Variants in DLGAP4 observed in about 807,000 individuals in gnomAD.
DLGAP4 encodes the protein disks large-associated protein 4.
Under a neutral mutation model 86.9 loss-of-function variants are expected in DLGAP4, and 18 were observed. That is an observed-to-expected ratio of 0.21 (90% CI 0.14 to 0.31). The LOEUF (loss-of-function observed/expected upper bound fraction) is 0.31. Among genes scored for constraint, DLGAP4 ranks in the 10% least tolerant of loss-of-function variants. The pLI, the probability that DLGAP4 is intolerant of heterozygous loss-of-function variation, is 1.00. For synonymous variants in DLGAP4, 548 were observed against 574.3 expected, an observed-to-expected ratio of 0.95 and a Z score of 0.65; for missense variants, 1,085 against 1,362.6, an observed-to-expected ratio of 0.80 and a Z score of 3.21.
At chr20:36,358,874 A>G (rs2030424385) in intron 1 of DLGAP4, among the ~76,000 whole-genome samples, 1 of 152,204 alleles carries the variant, frequency 6.6e-6, no homozygotes, top group Admixed American at 6.5e-5. Context: ...TAAAAGCAGG[A>G]ACCAGGTAGA....
intron 1 of DLGAP4, among the ~76,000 whole-genome samples, chr20:36,340,008 G>C (rs555260238): frequency 1.3e-5 from 2 of 152,274 alleles, no homozygotes; most frequent in African/African-American, 2.4e-5. Context: ...AAGGAGAGGA[G>C]CCTGGAGTAG....
intron 1 of DLGAP4, among the ~76,000 whole-genome samples, chr20:36,326,742 T>C (rs991313705): frequency 2.6e-5 from 4 of 152,166 alleles, no homozygotes; most frequent in Admixed American, 2.6e-4. Flanking sequence ...ACATTCCTTA[T>C]AGTGTGAGTA....
At chr20:36,481,891 C>T (rs183124250) in intron 7 of DLGAP4, among the ~76,000 whole-genome samples, 9 of 152,290 alleles carry the variant, frequency 5.9e-5, no homozygotes, top group East Asian at 1.9e-4. Context: ...GGTCAGCTGA[C>T]GTCACTAAGC....
intron 2 of DLGAP4, among the ~76,000 whole-genome samples, chr20:36,406,727 C>G (rs2032334557): frequency 6.6e-6 from 1 of 152,146 alleles, no homozygotes; most frequent in Non-Finnish European, 1.5e-5. Flanking sequence ...CCCTTCCCAT[C>G]CCTGAGTGAT....
rs569796141 is a variant in DLGAP4 at position 36,473,758 on chromosome 20, C to T, written c.1649-22947C>T. On this transcript the variant is annotated intron_variant, in intron 7 of 12. Transcript: ENST00000339266. ...AGCTACCATGCCTGGCCAGCAAATA[C>T]GATTTTTATGTACCTCTCTTCTCCT... 3.3e-5 allele frequency among the ~76,000 whole-genome samples: 5 copies of T among 152,210 alleles called. 1 individual carries two copies. Among genetic ancestry groups the T allele is most frequent in the South Asian group, 4.1e-4 (2 of 4,824 alleles).
intron 1 of DLGAP4, among the ~76,000 whole-genome samples, chr20:36,333,400 G>A (rs1459740886): frequency 1.8e-4 from 28 of 151,880 alleles, no homozygotes; most frequent in African/African-American, 4.8e-5. Context: ...CTTTGCCCAC[G>A]CTTCCCCTCT....
intron 1 of DLGAP4, among the ~76,000 whole-genome samples, chr20:36,328,474 G>T (rs1037824901): frequency 1.4e-5 from 2 of 142,064 alleles, no homozygotes; most frequent in African/African-American, 5.1e-5. Context: ...AAACTGGCAG[G>T]TTTTTTTTTT....
intron 2 of DLGAP4, among the ~76,000 whole-genome samples, chr20:36,376,102 G>T (rs2031141709): frequency 6.6e-6 from 1 of 151,972 alleles, no homozygotes; most frequent in Admixed American, 6.5e-5. Context: ...GGGCTCAAGT[G>T]ATCCTCCTGC....
chr20:36,508,495 C>T (rs566660605), intron 10 of DLGAP4, among the ~76,000 whole-genome samples: 5 of 143,288 alleles, frequency 3.5e-5, no homozygotes, highest in Non-Finnish European at 6.0e-5. Flanking sequence ...GGCGCGATCT[C>T]GGCTCACCGC....
intron 10 of DLGAP4, among the ~76,000 whole-genome samples, chr20:36,514,959 T>C (rs6092227): frequency 0.073 from 11,147 of 151,780 alleles, 1,438 homozygotes; most frequent in African/African-American, 0.26. Flanking sequence ...CACCTCAGGG[T>C]AAGGAGGTGG....
chr20:36,417,777 T>G (rs950060712), intron 2 of DLGAP4, among the ~76,000 whole-genome samples: 1 of 88,490 alleles, frequency 1.1e-5, no homozygotes, highest in African/African-American at 3.9e-5. Flanking sequence ...TTTTTGGTTT[T>G]TTTTTTTTGT....
chr20:36,461,431 G>C, intron 7 of DLGAP4: 1 of 924,722 alleles, frequency 1.1e-6, no homozygotes, highest in Non-Finnish European at 1.2e-6. Flanking sequence ...GGGCGGGGCA[G>C]GTGCGGGACT....
intron 7 of DLGAP4, among the ~76,000 whole-genome samples, chr20:36,478,021 T>G (rs1569513631): frequency 6.6e-6 from 1 of 152,228 alleles, no homozygotes; most frequent in African/African-American, 2.4e-5. Flanking sequence ...ATTTGAAACA[T>G]TTCTCAAGAA....
chr20:36,457,510 A>G (rs1396426450), intron 7 of DLGAP4, among the ~76,000 whole-genome samples: 1 of 150,720 alleles, frequency 6.6e-6, no homozygotes, highest in African/African-American at 2.4e-5. Flanking sequence ...CCTCCTGAGT[A>G]GCTGGGATTA....
chr20:36,487,921 G>T (rs547682313), intron 7 of DLGAP4, among the ~76,000 whole-genome samples: 1 of 152,170 alleles, frequency 6.6e-6, no homozygotes. Flanking sequence ...CAGTTAGTGC[G>T]CCGGGCGTGG....
intron 2 of DLGAP4, among the ~76,000 whole-genome samples, chr20:36,376,569 G>A (rs1210044645): frequency 6.6e-6 from 1 of 152,178 alleles, no homozygotes; most frequent in African/African-American, 2.4e-5. Flanking sequence ...GGCACAGAGT[G>A]GCGTTTAGCA....
chr20:36,461,663 G>GCCCCGC, intron 7 of DLGAP4: 52 of 63,010 alleles, frequency 8.3e-4, no homozygotes, highest in Non-Finnish European at 9.3e-4. Context: ...GGGCCGCCCC[G>GCCCCGC]CCCGGCCCGG....
At chr20:36,443,252 A>G (rs970912788) in intron 6 of DLGAP4, among the ~76,000 whole-genome samples, 1 of 152,052 alleles carries the variant, frequency 6.6e-6, no homozygotes, top group African/African-American at 2.4e-5. Context: ...AGACTTTCCA[A>G]CTTCACACAG....
At position 36,527,798 on chromosome 20, in the gene DLGAP4, T is replaced by C. The variant is rs2037860408; in HGVS notation, c.*767T>C. The C allele has an allele frequency of 6.5e-6, 1 of 152,698 alleles. No homozygotes were observed. Among genetic ancestry groups the C allele is most frequent in the South Asian group, 2.1e-4 (1 of 4,836 alleles). 9.5% of individuals were successfully genotyped at this position (152,698 alleles called of 1,614,324 possible). A position where few individuals can be genotyped will look rare whatever the true frequency, so the allele number is the denominator to read the frequency against. ...AAGCCACAGTTATCACACTCCAGAC[T>C]CCTGCCCTTTTATTTTCTCCAGCCC... On this transcript the variant is annotated 3_prime_UTR_variant, in exon 13 of 13. Coordinates refer to ENST00000339266, the MANE Select transcript of DLGAP4 (RefSeq NM_001365621.2).
Sources: allele counts gnomAD v4.1 joint callset (sites outside exome capture counted in the v4.1 genomes callset), GRCh38; gene constraint gnomAD v4.1.1; transcripts MANE v1.5; gene names NCBI Gene and HGNC (gene_info 2026-07-23, HGNC 2026-07-21).